The following SLC4A10 variants were observed in gnomAD, a reference collection of about 807,000 sequenced individuals.
SLC4A10 encodes solute carrier family 4 member 10, also known as sodium-driven chloride bicarbonate exchanger.
A neutral mutation model predicts 137.7 loss-of-function variants in SLC4A10; 42 were observed. The ratio of observed to expected loss-of-function variants is 0.30; its 90% CI spans 0.24 to 0.39. The LOEUF is 0.39. Ranked by LOEUF, SLC4A10 falls within the 10% of genes least tolerant of loss-of-function variation. The pLI is 1.00. For synonymous variants in SLC4A10, 474 were observed against 464.1 expected (o/e 1.02, Z -0.27); for missense variants, 925 against 1,355.0 (o/e 0.68, Z 4.98).
chr2:161,968,736 C>T (rs1301277002), intron 23 of SLC4A10, among the ~76,000 whole-genome samples: 5 of 152,168 alleles, frequency 3.3e-5, no homozygotes, highest in South Asian at 2.1e-4. Flanking sequence ...AATTCTCCAT[C>T]GAACAGGAAA....
intron 11 of SLC4A10, among the ~76,000 whole-genome samples, chr2:161,898,269 G>A (rs1379824526): frequency 1.3e-5 from 2 of 152,058 alleles, no homozygotes; most frequent in African/African-American, 4.8e-5. Context: ...TGTAACTAAA[G>A]ATCAGAATTT....
At chr2:161,918,817 G>A (rs556070151) in intron 15 of SLC4A10, among the ~76,000 whole-genome samples, 1 of 152,304 alleles carries the variant, frequency 6.6e-6, no homozygotes, top group East Asian at 1.9e-4. Flanking sequence ...TAGGGGAGCT[G>A]CAGTAGGGGA....
intron 1 of SLC4A10, among the ~76,000 whole-genome samples, chr2:161,732,247 G>A (rs2046898533): frequency 6.6e-6 from 1 of 152,132 alleles, no homozygotes; most frequent in African/African-American, 2.4e-5. Flanking sequence ...TTGGGGGGTG[G>A]AGCTGAAAGT....
chr2:161,853,557 TTA>T (rs1182832092), intron 4 of SLC4A10, among the ~76,000 whole-genome samples: 1 of 152,204 alleles, frequency 6.6e-6, no homozygotes, highest in Non-Finnish European at 1.5e-5. Context: ...GGAGAACCAG[TTA>T]TGACATGATA....
At chr2:161,855,206 ATAC>A in intron 5 of SLC4A10, 76 bp downstream of exon 5, 1 of 1,394,620 alleles carries the variant, frequency 7.2e-7, no homozygotes, top group Non-Finnish European at 9.7e-7. Context: ...ATAATTCAAT[ATAC>A]GTATGAACTT....
intron 2 of SLC4A10, among the ~76,000 whole-genome samples, chr2:161,775,088 C>T (rs2052151654): frequency 6.6e-6 from 1 of 151,882 alleles, no homozygotes; most frequent in South Asian, 2.1e-4. Flanking sequence ...AGAGTTTCTT[C>T]TCAAGTTTCT....
chr2:161,739,744 T>C (rs1043669136), intron 1 of SLC4A10, among the ~76,000 whole-genome samples: 18 of 152,210 alleles, frequency 1.2e-4, no homozygotes, highest in Admixed American at 4.6e-4. Flanking sequence ...ACAGTTCTTA[T>C]TGGCATTATG....
intron 1 of SLC4A10, among the ~76,000 whole-genome samples, chr2:161,640,294 T>C (rs1467632597): frequency 6.6e-6 from 1 of 152,144 alleles, no homozygotes; most frequent in African/African-American, 2.4e-5. Context: ...TTGTGAATAC[T>C]CCCTTACAGT....
At chr2:161,672,277 G>A (rs989675865) in intron 1 of SLC4A10, among the ~76,000 whole-genome samples, 3 of 152,072 alleles carry the variant, frequency 2.0e-5, no homozygotes, top group Admixed American at 2.0e-4. Context: ...ATAATAATCA[G>A]TTTTTCTTCT....
At chr2:161,910,995 GTAAA>G (rs1685703236) in intron 15 of SLC4A10, among the ~76,000 whole-genome samples, 1 of 151,600 alleles carries the variant, frequency 6.6e-6, no homozygotes, top group Non-Finnish European at 1.5e-5. Flanking sequence ...CACTTAATAT[GTAAA>G]TAAACATTTA....
intron 19 of SLC4A10, among the ~76,000 whole-genome samples, chr2:161,951,561 A>C (rs1694809164): frequency 2.0e-5 from 3 of 152,192 alleles, no homozygotes; most frequent in Non-Finnish European, 4.4e-5. Context: ...GGTTAAAAAT[A>C]ATCTGCATCA....
At chr2:161,661,522 G>A (rs1326291842) in intron 1 of SLC4A10, among the ~76,000 whole-genome samples, 1 of 152,230 alleles carries the variant, frequency 6.6e-6, no homozygotes, top group Non-Finnish European at 1.5e-5. Flanking sequence ...GAAACTGAAT[G>A]AGTGGAAGTC....
At chr2:161,658,341 G>A (rs1007658969) in intron 1 of SLC4A10, among the ~76,000 whole-genome samples, 7 of 152,168 alleles carry the variant, frequency 4.6e-5, no homozygotes, top group African/African-American at 1.7e-4. Flanking sequence ...TATTTGCCTT[G>A]CTGTTTAATA....
At chr2:161,686,068 G>A (rs765929551) in intron 1 of SLC4A10, among the ~76,000 whole-genome samples, 1 of 152,166 alleles carries the variant, frequency 6.6e-6, no homozygotes, top group Non-Finnish European at 1.5e-5. Flanking sequence ...AAATCAGGTA[G>A]AAGCTGAGTT....
At position 161,683,404 on chromosome 2, in the gene SLC4A10, G is replaced by T. The variant is rs565110924; in HGVS notation, c.48+58838G>T. On this transcript the variant is annotated intron_variant, in intron 1 of 26. Coordinates refer to ENST00000446997, the MANE Select transcript of SLC4A10 (RefSeq NM_001178015.2). ...TCCTTTAGAAATAAGTTGCAGAGAG[G>T]GTATTTAGGGAACAGTGAGAGAGCC... Among the ~76,000 whole-genome samples, 11 of 152,212 alleles carry T rather than the reference G, an allele frequency of 7.2e-5. No individual in the cohort carries two copies. The East Asian group carries it at 7.7e-4, about 11-fold the overall frequency.
intron 10 of SLC4A10, among the ~76,000 whole-genome samples, chr2:161,891,172 T>A (rs1190012963): frequency 6.6e-6 from 1 of 152,194 alleles, no homozygotes; most frequent in African/African-American, 2.4e-5. Context: ...CCACTGTTAG[T>A]CTGATGGGGT....
chr2:161,684,343 A>AT (rs1449179376), intron 1 of SLC4A10, among the ~76,000 whole-genome samples: 1 of 151,910 alleles, frequency 6.6e-6, no homozygotes, highest in Non-Finnish European at 1.5e-5. Context: ...ATTTTTCTGC[A>AT]TTTTTTTCTC....
At chr2:161,727,125 C>T (rs1189843586) in intron 1 of SLC4A10, among the ~76,000 whole-genome samples, 9 of 152,148 alleles carry the variant, frequency 5.9e-5, no homozygotes, top group Admixed American at 1.3e-4. Context: ...AGGTGGAAAA[C>T]ACTATCTTAA....
intron 1 of SLC4A10, among the ~76,000 whole-genome samples, chr2:161,729,461 T>C (rs958517893): frequency 1.3e-5 from 2 of 152,148 alleles, no homozygotes; most frequent in Non-Finnish European, 2.9e-5. Flanking sequence ...ATTGTGATGG[T>C]GATTATAGGA....
Sources: gnomAD v4.1 joint callset for allele counts (sites outside exome capture counted in the v4.1 genomes callset) on GRCh38, gnomAD v4.1.1 for gene constraint, MANE v1.5 for transcripts, NCBI Gene and HGNC (gene_info 2026-07-23, HGNC 2026-07-21) for gene names.